Variants in RELN observed in about 807,000 individuals in gnomAD.
RELN encodes reelin.
In RELN, 108 loss-of-function variants were observed where a neutral mutation model predicts 427.6. The observed-to-expected ratio is 0.25, with a 90% CI of 0.22 to 0.30. The LOEUF (loss-of-function observed/expected upper bound fraction) is 0.30. Among genes scored for constraint, RELN ranks in the 10% least tolerant of loss-of-function variants. The probability of loss-of-function intolerance (pLI) is 1.00; values close to 1 mark genes in which losing one functional copy is unlikely to be tolerated. For synonymous variants in RELN, 1,524 were observed against 1,513.4 expected, an observed-to-expected ratio of 1.01 and a Z score of -0.16; for missense variants, 3,715 against 4,302.8, an observed-to-expected ratio of 0.86 and a Z score of 3.82.
intron 44 of RELN, among the ~76,000 whole-genome samples, chr7:103,539,808 G>T (rs1371953703): frequency 2.0e-5 from 3 of 152,164 alleles, no homozygotes; most frequent in South Asian, 2.1e-4. Context: ...GGGGGAGATT[G>T]ATTTATTTTT....
At chr7:103,503,465 C>G (rs976113566) in intron 51 of RELN, among the ~76,000 whole-genome samples, 4 of 152,188 alleles carry the variant, frequency 2.6e-5, no homozygotes, top group Admixed American at 6.5e-5. Context: ...GAGAGAAACT[C>G]AGACCCCGTG....
rs362706 is a variant in RELN, at chr7:103,535,518, C to T, written c.7181-34G>A. ...GGAAACATTATTTTGGATATAAACA[C>T]ATATCTGCAGACCCAGGAACCATAA... On this transcript the variant is annotated intron_variant, in intron 45 of 64. Coordinates refer to ENST00000428762, the MANE Select transcript of RELN (RefSeq NM_005045.4). 0.76 allele frequency: 1,203,943 copies of T among 1,588,700 alleles called. 457,478 individuals are homozygous for T. Among genetic ancestry groups the T allele is most frequent in the Non-Finnish European group, 0.77 (891,069 of 1,157,448 alleles).
intron 4 of RELN, among the ~76,000 whole-genome samples, chr7:103,773,197 T>TTCTG (rs1322515438): frequency 3.0e-5 from 3 of 100,302 alleles, no homozygotes; most frequent in African/African-American, 1.3e-4. Flanking sequence ...TTTTCTTTCT[T>TTCTG]TCTCTCTCTC....
intron 51 of RELN, 31 bp downstream of exon 51, chr7:103,510,820 T>G: frequency 6.4e-7 from 1 of 1,565,754 alleles, no homozygotes. Context: ...AATGTATGGT[T>G]GTTTATATAA....
intron 4 of RELN, among the ~76,000 whole-genome samples, chr7:103,757,541 T>C (rs1222125027): frequency 6.6e-5 from 10 of 152,154 alleles, no homozygotes; most frequent in Middle Eastern, 3.2e-3. Flanking sequence ...TGGCTTAAAC[T>C]AGGGAGTTTT....
intron 2 of RELN, among the ~76,000 whole-genome samples, chr7:103,899,022 T>G (rs772196177): frequency 1.3e-5 from 2 of 151,654 alleles, no homozygotes; most frequent in African/African-American, 4.8e-5. Flanking sequence ...ACAAAACTAG[T>G]TCTAAGATAG....
intron 2 of RELN, among the ~76,000 whole-genome samples, chr7:103,863,371 T>A (rs1252180912): frequency 6.6e-6 from 1 of 152,056 alleles, no homozygotes; most frequent in African/African-American, 2.4e-5. Context: ...CTTTTACAGG[T>A]AAGGAAATTA....
chr7:103,586,091 G>A (rs35526076), intron 28 of RELN, among the ~76,000 whole-genome samples: 38,055 of 152,122 alleles, frequency 0.25, 5,528 homozygotes, highest in South Asian at 0.39. Flanking sequence ...CAGGCCGGGC[G>A]TGATGGCTCA....
intron 4 of RELN, among the ~76,000 whole-genome samples, chr7:103,762,197 C>T (rs572195748): frequency 8.5e-5 from 13 of 152,086 alleles, no homozygotes; most frequent in Non-Finnish European, 1.8e-4. Context: ...GGCCCTTTCC[C>T]CTCCCTGCTG....
intron 2 of RELN, among the ~76,000 whole-genome samples, chr7:103,890,004 C>A (rs1324297089): frequency 6.6e-6 from 1 of 152,038 alleles, no homozygotes; most frequent in African/African-American, 2.4e-5. Flanking sequence ...TTTTTCAGTT[C>A]TGTGAACTTT....
At chr7:103,654,303 C>G in intron 12 of RELN, 98 bp from the exon 13 acceptor site, 1 of 730,496 alleles carries the variant, frequency 1.4e-6, no homozygotes, top group East Asian at 2.6e-5. Context: ...CATTATAGTA[C>G]CCAGATGTCA....
chr7:103,652,471 C>A, intron 14 of RELN, 80 bp downstream of exon 14: 2 of 1,131,362 alleles, frequency 1.8e-6, no homozygotes, highest in East Asian at 2.4e-5. Flanking sequence ...AAAACTCTAC[C>A]TAGAAACTAC....
chr7:103,897,012 C>T (rs28439290), intron 2 of RELN, among the ~76,000 whole-genome samples: 8,733 of 152,026 alleles, frequency 0.057, 601 homozygotes, highest in African/African-American at 0.17. Context: ...ATGTCTTACA[C>T]GGCAGCAGGC....
intron 2 of RELN, among the ~76,000 whole-genome samples, chr7:103,905,214 G>T (rs1795174447): frequency 6.6e-6 from 1 of 151,896 alleles, no homozygotes; most frequent in Non-Finnish European, 1.5e-5. Flanking sequence ...CTCCTGACGA[G>T]TGTTCCACCC....
At chr7:103,800,144 A>G (rs1792410251) in intron 3 of RELN, among the ~76,000 whole-genome samples, 1 of 152,164 alleles carries the variant, frequency 6.6e-6, no homozygotes, top group South Asian at 2.1e-4. Context: ...CAGGGCAATC[A>G]GGCAAGAGAA....
intron 6 of RELN, among the ~76,000 whole-genome samples, chr7:103,748,920 T>C (rs192850769): frequency 6.6e-6 from 1 of 152,336 alleles, no homozygotes. Context: ...TGCATCCATT[T>C]ATGTATTAGA....
chr7:103,652,493 T>C lies in RELN; in HGVS notation c.1763+58A>G, dbSNP rs1402535944. Reference sequence around the variant, plus strand: ...TACCTAGAAACTACCTCTTATTTAATAGCCAAATCTGCAAACTCATTTTTA... The same window carrying C: ...TACCTAGAAACTACCTCTTATTTAACAGCCAAATCTGCAAACTCATTTTTA... On this transcript the variant is annotated intron_variant, in intron 14 of 64. Coordinates refer to ENST00000428762, the MANE Select transcript of RELN (RefSeq NM_005045.4). 3 of 1,379,296 alleles carry C rather than the reference T, an allele frequency of 2.2e-6. No individual in the cohort carries two copies. The Admixed American group carries it at 5.1e-5, about 24-fold the overall frequency. 85.4% of individuals were successfully genotyped at this position (1,379,296 alleles called of 1,614,324 possible). A position where few individuals can be genotyped will look rare whatever the true frequency, so the allele number is the denominator to read the frequency against.
chr7:103,725,099 A>G (rs1253290358), intron 7 of RELN, among the ~76,000 whole-genome samples: 1 of 152,172 alleles, frequency 6.6e-6, no homozygotes, highest in Non-Finnish European at 1.5e-5. Context: ...ACTCAAAACT[A>G]TAGGAAATTA....
At chr7:103,890,880 AC>A (rs1343034708) in intron 2 of RELN, among the ~76,000 whole-genome samples, 2 of 152,124 alleles carry the variant, frequency 1.3e-5, no homozygotes, top group Non-Finnish European at 2.9e-5. Flanking sequence ...GTTCGAGACC[AC>A]CCTGACCAAC....
Sources: allele counts gnomAD v4.1 joint callset (sites outside exome capture counted in the v4.1 genomes callset), GRCh38; gene constraint gnomAD v4.1.1; transcripts MANE v1.5; gene names NCBI Gene and HGNC (gene_info 2026-07-23, HGNC 2026-07-21).